The following KIAA2012 variants were observed in gnomAD, a reference collection of about 807,000 sequenced individuals.
The protein encoded by KIAA2012 is uncharacterized protein KIAA2012.
Under a neutral mutation model 150.6 loss-of-function variants are expected in KIAA2012, and 125 were observed. The observed-to-expected ratio is 0.83, with a 90% CI of 0.72 to 0.96. The LOEUF is 0.96. KIAA2012 is among the 40% of genes least tolerant of loss of function. The pLI, the probability that KIAA2012 is intolerant of heterozygous loss-of-function variation, is 0.00. For synonymous variants in KIAA2012, 462 were observed against 504.7 expected, an observed-to-expected ratio of 0.92 and a Z score of 1.13; for missense variants, 1,219 against 1,354.9, an observed-to-expected ratio of 0.90 and a Z score of 1.57.
intron 12 of KIAA2012, 21 bp from the exon 13 acceptor site, chr2:202,138,410 TC>T (rs1559217505): frequency 1.3e-6 from 2 of 1,542,856 alleles, no homozygotes; most frequent in East Asian, 4.9e-5. Context: ...TGATCTTTTT[TC>T]CTCTTTGATT....
intron 13 of KIAA2012, among the ~76,000 whole-genome samples, chr2:202,149,109 G>A (rs1180693372): frequency 1.3e-5 from 2 of 152,138 alleles, no homozygotes; most frequent in Non-Finnish European, 2.9e-5. Context: ...AGCAGGGGGC[G>A]GGAGGACAGG....
chr2:202,094,980 G>T (rs112242024), intron 4 of KIAA2012, among the ~76,000 whole-genome samples: 7 of 152,286 alleles, frequency 4.6e-5, no homozygotes, highest in African/African-American at 1.7e-4. Flanking sequence ...CCGATTCCAA[G>T]CCATATAGCC....
In KIAA2012 at chr2:202,194,312, A is replaced by G; in HGVS notation, c.3137A>G (p.Lys1046Arg). 2 of 1,550,508 alleles carry G rather than the reference A, an allele frequency of 1.3e-6. No homozygotes were observed. Among genetic ancestry groups the G allele is most frequent in the African/African-American group, 1.4e-5 (1 of 73,140 alleles). Residue 1046 changes from lysine to arginine, a missense_variant, in exon 21 of 24, where the codon AAA becomes AGA. Physicochemically the swap from Lys to Arg is conservative, Grantham distance 26. Coordinates refer to ENST00000498697, the MANE Select transcript of KIAA2012 (RefSeq NM_001277372.4). ...CAACAGCAAGAGGAGTTTCGGAGGA[A>G]ACTGCGAGAACTACAGAGAAAAAAG... is the stretch of plus-strand genomic sequence containing the variant. ...ARQQQEEFRR[K>R]LRELQRKKQQ... is the part of the protein sequence containing the mutation.
intron 11 of KIAA2012, among the ~76,000 whole-genome samples, chr2:202,122,058 G>A (rs972379135): frequency 7.2e-5 from 11 of 152,190 alleles, no homozygotes; most frequent in African/African-American, 2.7e-4. Flanking sequence ...GAGGAGCAGC[G>A]TGGTGTGAGT....
chr2:202,094,016 C>T (rs534092900), intron 4 of KIAA2012, among the ~76,000 whole-genome samples: 3 of 152,294 alleles, frequency 2.0e-5, no homozygotes, highest in East Asian at 3.9e-4. Context: ...GGCTCAGTGG[C>T]TCATTCTGTA....
At chr2:202,165,449 C>T (rs763329284) in intron 15 of KIAA2012, 93 bp downstream of exon 15, 159 of 1,242,892 alleles carry the variant, frequency 1.3e-4, no homozygotes, top group Non-Finnish European at 1.6e-4. Context: ...AGGCCAGGCA[C>T]GGTGGCTCAC....
intron 11 of KIAA2012, chr2:202,116,220 A>G (rs1330845757): frequency 2.6e-5 from 4 of 152,148 alleles, no homozygotes; most frequent in Admixed American, 2.0e-4. Flanking sequence ...TCCCATGTAA[A>G]TTTAAATTCC....
At chr2:202,199,288 T>C (rs78806886) in intron 22 of KIAA2012, among the ~76,000 whole-genome samples, 6,515 of 152,146 alleles carry the variant, frequency 0.043, 414 homozygotes, top group African/African-American at 0.14. Context: ...ACCCCCTTTT[T>C]TTGAGACAGA....
chr2:202,185,067 A>G (rs1692202009), intron 16 of KIAA2012, among the ~76,000 whole-genome samples: 1 of 152,168 alleles, frequency 6.6e-6, no homozygotes, highest in African/African-American at 2.4e-5. Context: ...CTGGTTGGAT[A>G]AAGAGTGAAG....
At chr2:202,132,802 A>ATAT (rs1473790947) in intron 12 of KIAA2012, among the ~76,000 whole-genome samples, 5 of 94,694 alleles carry the variant, frequency 5.3e-5, no homozygotes, top group African/African-American at 1.8e-4. Flanking sequence ...ATATATATAT[A>ATAT]TTTTTTTTTT....
chr2:202,075,381 G>A (rs940573522), intron 2 of KIAA2012, among the ~76,000 whole-genome samples: 1 of 152,318 alleles, frequency 6.6e-6, no homozygotes, highest in African/African-American at 2.4e-5. Context: ...GATAATGTAT[G>A]TGAAAGGGAT....
At chr2:202,088,913 C>G (rs1446796730) in intron 2 of KIAA2012, among the ~76,000 whole-genome samples, 2 of 152,138 alleles carry the variant, frequency 1.3e-5, no homozygotes, top group African/African-American at 4.8e-5. Context: ...TCAGAAGGTT[C>G]CAGAGCTCAC....
intron 11 of KIAA2012, chr2:202,116,273 A>C (rs1452858559): frequency 1.3e-5 from 2 of 152,102 alleles, no homozygotes; most frequent in Non-Finnish European, 2.9e-5. Context: ...TTCTTGTTCT[A>C]AATGGATTTT....
intron 16 of KIAA2012, among the ~76,000 whole-genome samples, chr2:202,185,297 C>A (rs1426377134): frequency 6.6e-6 from 1 of 152,206 alleles, no homozygotes; most frequent in Non-Finnish European, 1.5e-5. Flanking sequence ...TACGCGCTTA[C>A]TGTGAGCCCA....
intron 4 of KIAA2012, among the ~76,000 whole-genome samples, chr2:202,095,258 G>A (rs2105917630): frequency 6.6e-6 from 1 of 152,294 alleles, no homozygotes; most frequent in Non-Finnish European, 1.5e-5. Flanking sequence ...AACCCTGACT[G>A]ATGTTTTCAT....
chr2:202,095,242 A>C (rs1162635916), intron 4 of KIAA2012, among the ~76,000 whole-genome samples: 1 of 152,204 alleles, frequency 6.6e-6, no homozygotes, highest in African/African-American at 2.4e-5. Flanking sequence ...CAGTGGCTGT[A>C]ACTTGAACCC....
chr2:202,138,881 A>C (rs1691139348), intron 13 of KIAA2012, among the ~76,000 whole-genome samples: 1 of 152,204 alleles, frequency 6.6e-6, no homozygotes, highest in Admixed American at 6.5e-5. Context: ...AATTAAGAAA[A>C]ACAAAGTGCA....
intron 4 of KIAA2012, among the ~76,000 whole-genome samples, chr2:202,094,111 G>C (rs962421356): frequency 6.6e-6 from 1 of 152,166 alleles, no homozygotes; most frequent in Non-Finnish European, 1.5e-5. Flanking sequence ...GTGAGACCCT[G>C]TCTCTACAAA....
At chr2:202,159,009 A>T (rs1051888443) in intron 14 of KIAA2012, among the ~76,000 whole-genome samples, 2 of 152,194 alleles carry the variant, frequency 1.3e-5, no homozygotes, top group Non-Finnish European at 2.9e-5. Flanking sequence ...AAGGTAGAGG[A>T]ATTGGCCTGA....
Sources: gnomAD v4.1 joint callset for allele counts (sites outside exome capture counted in the v4.1 genomes callset) on GRCh38, gnomAD v4.1.1 for gene constraint, MANE v1.5 for transcripts, NCBI Gene and HGNC (gene_info 2026-07-23, HGNC 2026-07-21) for gene names.